SYNE2: variants seen among roughly 807,000 people sequenced by gnomAD.
SYNE2 encodes the protein spectrin repeat containing nuclear envelope protein 2.
SYNE2 carries 431 observed loss-of-function variants against 856.3 expected under a neutral mutation model. The ratio of observed to expected loss-of-function variants is 0.50; its 90% CI spans 0.47 to 0.55. The LOEUF (loss-of-function observed/expected upper bound fraction) is 0.55. SYNE2 is among the 20% of genes least tolerant of loss of function. The pLI, the probability that SYNE2 is intolerant of heterozygous loss-of-function variation, is 0.00. For synonymous variants in SYNE2, 2,923 were observed against 2,872.3 expected, an observed-to-expected ratio of 1.02 and a Z score of -0.56; for missense variants, 8,129 against 8,023.2, an observed-to-expected ratio of 1.01 and a Z score of -0.50.
intron 1 of SYNE2, among the ~76,000 whole-genome samples, chr14:63,882,645 C>T (rs573533954): frequency 5.9e-5 from 9 of 152,058 alleles, no homozygotes; most frequent in African/African-American, 1.9e-4. Flanking sequence ...GGATTGGTTG[C>T]GTCTGGGATA....
chr14:64,185,077 GA>G (rs2098481871), intron 96 of SYNE2, among the ~76,000 whole-genome samples: 1 of 152,208 alleles, frequency 6.6e-6, no homozygotes, highest in African/African-American at 2.4e-5. Context: ...GCAAAATGGT[GA>G]GACTTCCATC....
chr14:64,051,625 A>G lies in SYNE2; in HGVS notation c.7712A>G (p.Lys2571Arg). The G allele has an allele frequency of 6.2e-7, 1 of 1,614,036 alleles. No homozygotes were observed. The highest frequency in any genetic ancestry group is 8.5e-7 in the Non-Finnish European group (1 of 1,179,944). Reference sequence around the variant, plus strand: ...TTCATAGCATCCATAGAAAAAGAGAAAGATTCTTTAGGCAACTTGAAAATC... The same window carrying G: ...TTCATAGCATCCATAGAAAAAGAGAGAGATTCTTTAGGCAACTTGAAAATC... ...KKFIASIEKE[K>R]DSLGNLKIKW... The change falls in exon 48 of 116, where the codon AAA becomes AGA. Residue 2571 changes from lysine (K) to arginine (R), a missense_variant. Lys to Arg is a conservative substitution (Grantham distance 26, BLOSUM62 2). Coordinates refer to ENST00000555002, the MANE Select transcript of SYNE2 (RefSeq NM_182914.3).
chr14:64,214,192 AG>A lies in SYNE2; in HGVS notation c.19058del. ...TTCTAACAACTGGATACTGTGGTTT[AG>A]GGCTTGGAAGATGAAAAGGAGGCCT... On this transcript the variant is annotated splice_acceptor_variant, in intron 105 of 115. Coordinates refer to ENST00000555002, the MANE Select transcript of SYNE2 (RefSeq NM_182914.3). LOFTEE classifies it high-confidence loss of function. 6.2e-7 allele frequency: 1 copy of A among 1,614,200 alleles called. No individual in the cohort carries two copies. The highest frequency in any genetic ancestry group is 2.2e-5 in the East Asian group (1 of 44,872).
chr14:63,999,257 T>A (rs752276833), intron 27 of SYNE2, among the ~76,000 whole-genome samples: 30 of 152,206 alleles, frequency 2.0e-4, no homozygotes, highest in Admixed American at 3.3e-4. Context: ...GGTCTTAATT[T>A]ACTGCTTATA....
intron 104 of SYNE2, among the ~76,000 whole-genome samples, chr14:64,212,523 T>C (rs1245190564): frequency 6.6e-6 from 1 of 152,236 alleles, no homozygotes; most frequent in East Asian, 1.9e-4. Flanking sequence ...AGTTTTGCCA[T>C]GGCAAGTTCT....
chr14:64,017,348 A>G (rs1402782167), intron 33 of SYNE2, among the ~76,000 whole-genome samples: 1 of 151,460 alleles, frequency 6.6e-6, no homozygotes, highest in African/African-American at 2.4e-5. Flanking sequence ...AAAAAAAAAA[A>G]AAAAAGAAAT....
At chr14:63,961,416 A>C in intron 8 of SYNE2, 109 bp from the exon 9 acceptor site, 2 of 912,210 alleles carry the variant, frequency 2.2e-6, no homozygotes, top group South Asian at 2.8e-5. Context: ...ACTTTGGTGC[A>C]TTTCCAGAGC....
chr14:64,097,421 T>C (rs2097686262), intron 61 of SYNE2, among the ~76,000 whole-genome samples: 1 of 152,250 alleles, frequency 6.6e-6, no homozygotes, highest in Non-Finnish European at 1.5e-5. Context: ...TCATTTTCTC[T>C]CAGTGGTTCC....
chr14:63,997,598 T>C (rs1189383848), intron 25 of SYNE2, among the ~76,000 whole-genome samples: 1 of 152,142 alleles, frequency 6.6e-6, no homozygotes, highest in East Asian at 1.9e-4. Flanking sequence ...CTAATCTTCT[T>C]CTGAGTATAC....
intron 1 of SYNE2, among the ~76,000 whole-genome samples, chr14:63,887,390 A>G (rs916774913): frequency 6.6e-6 from 1 of 152,242 alleles, no homozygotes; most frequent in Non-Finnish European, 1.5e-5. Flanking sequence ...TCTAGTTTCC[A>G]TACCGTCAGA....
At chr14:63,786,935 G>T (rs973395487) in intron 1 of SYNE2, among the ~76,000 whole-genome samples, 3 of 151,894 alleles carry the variant, frequency 2.0e-5, no homozygotes, top group Non-Finnish European at 4.4e-5. Flanking sequence ...TCTAGCTTTT[G>T]TATTTTTTGT....
intron 65 of SYNE2, among the ~76,000 whole-genome samples, chr14:64,109,591 T>C (rs957929697): frequency 9.9e-5 from 15 of 152,192 alleles, no homozygotes; most frequent in Admixed American, 9.2e-4. Flanking sequence ...TATGTGTGTA[T>C]TTGTATTTTC....
chr14:64,026,644 C>T lies in SYNE2; in HGVS notation c.6318C>T (p.Ser2106=), dbSNP rs569257818. The change falls in exon 42 of 116, where the codon AGC becomes AGT. Residue 2106 remains serine (S), a synonymous_variant. Transcript: ENST00000555002. ...AGACCATCATGAAGCAGGCTGAGAGCAGCGAGGCCCCGCTGGTTCAGAAGA... is the reference window on the plus strand; with the variant it reads ...AGACCATCATGAAGCAGGCTGAGAGTAGCGAGGCCCCGCTGGTTCAGAAGA... The part of the protein sequence containing the change: ...RIETIMKQAE[S]SEAPLVQKTL... 4 of 1,613,584 alleles carry T rather than the reference C, an allele frequency of 2.5e-6. No homozygotes were observed. In the South Asian group the frequency reaches 3.3e-5, roughly 13 times the overall value.
At position 64,027,604 on chromosome 14, in the gene SYNE2, G is replaced by A; in HGVS notation, c.6525G>A (p.Leu2175=). ...QEAGFALQHG[L]QEKKAQLKIY... ...CAGGCTTTGCTCTACAACATGGTCT[G>A]CAGGAGAAGAAAGCTCAGTTAAAGA... Residue 2175 remains leucine, a synonymous_variant, in exon 43 of 116, where the codon CTG becomes CTA. Transcript: ENST00000555002. The A allele has an allele frequency of 1.2e-6, 2 of 1,614,092 alleles. No individual in the cohort carries two copies. The highest frequency in any genetic ancestry group is 1.7e-6 in the Non-Finnish European group (2 of 1,180,000).
intron 1 of SYNE2, among the ~76,000 whole-genome samples, chr14:63,839,354 A>G (rs981674922): frequency 6.6e-6 from 1 of 152,106 alleles, no homozygotes; most frequent in African/African-American, 2.4e-5. Context: ...TTGCCAGTCT[A>G]ACGGGTAAAA....
At chr14:64,075,765 G>T in intron 53 of SYNE2, 180 bp from the exon 54 acceptor site, 1 of 613,258 alleles carries the variant, frequency 1.6e-6, no homozygotes. Flanking sequence ...AAATTAGAAA[G>T]CATCATCTGA....
chr14:64,025,489 A>C, intron 41 of SYNE2, 68 bp downstream of exon 41: 1 of 1,472,138 alleles, frequency 6.8e-7, no homozygotes, highest in Non-Finnish European at 9.3e-7. Flanking sequence ...TTAGAGGAAA[A>C]CTGTAAAGAT....
At chr14:63,967,271 T>C (rs145451387) in intron 10 of SYNE2, among the ~76,000 whole-genome samples, 1 of 152,224 alleles carries the variant, frequency 6.6e-6, no homozygotes, top group African/African-American at 2.4e-5. Context: ...TAAAATGAAT[T>C]GGGAAGAATA....
chr14:63,850,921 A>G (rs1206321869), upstream of SYNE2, among the ~76,000 whole-genome samples: 5 of 152,230 alleles, frequency 3.3e-5, no homozygotes, highest in African/African-American at 9.6e-5. Flanking sequence ...AGCAATAGAC[A>G]TAGAATGGAA....
Sources: allele counts gnomAD v4.1 joint callset (sites outside exome capture counted in the v4.1 genomes callset), GRCh38; gene constraint gnomAD v4.1.1; transcripts MANE v1.5; gene names NCBI Gene and HGNC (gene_info 2026-07-23, HGNC 2026-07-21).